The following ANKFN1 variants were observed in gnomAD, a reference collection of about 807,000 sequenced individuals.
The protein encoded by ANKFN1 is ankyrin repeat and fibronectin type III domain containing 1.
ANKFN1 carries 74 observed loss-of-function variants against 108.7 expected under a neutral mutation model. The observed-to-expected ratio is 0.68, with a 90% CI of 0.56 to 0.83. The LOEUF is 0.83. Ranked by LOEUF, ANKFN1 falls within the 40% of genes least tolerant of loss-of-function variation. The probability of loss-of-function intolerance (pLI) is 0.00; values close to 1 mark genes in which losing one functional copy is unlikely to be tolerated. For synonymous variants in ANKFN1, 547 were observed against 516.2 expected (o/e 1.06, Z -0.81); for missense variants, 1,505 against 1,382.3 (o/e 1.09, Z -1.41).
At chr17:56,498,749 CTA>C in intron 19 of ANKFN1, 131 bp from the exon 20 acceptor site, 2 of 718,728 alleles carry the variant, frequency 2.8e-6, no homozygotes, top group Non-Finnish European at 4.5e-6. Context: ...CTTAACAAAT[CTA>C]TGTTAAAAAT....
At chr17:56,477,814 G>A (rs977858018) in intron 16 of ANKFN1, among the ~76,000 whole-genome samples, 160 bp downstream of exon 16, 1 of 150,842 alleles carries the variant, frequency 6.6e-6, no homozygotes, top group Non-Finnish European at 1.5e-5. Context: ...TAGTTTTGGG[G>A]TTTTTTTTTG....
chr17:56,222,738 C>G (rs1425447040), intron 2 of ANKFN1, among the ~76,000 whole-genome samples: 1 of 152,168 alleles, frequency 6.6e-6, no homozygotes, highest in Admixed American at 6.5e-5. Flanking sequence ...GAAAAATACA[C>G]ATAGAGGACA....
chr17:56,171,587 A>G (rs927399174), intron 1 of ANKFN1, among the ~76,000 whole-genome samples: 6 of 152,140 alleles, frequency 3.9e-5, no homozygotes, highest in Non-Finnish European at 5.9e-5. Flanking sequence ...ACAGAAGGGG[A>G]AAAAAATCCA....
intron 8 of ANKFN1, among the ~76,000 whole-genome samples, chr17:56,386,656 T>G (rs2144850200): frequency 6.6e-6 from 1 of 151,276 alleles, no homozygotes; most frequent in East Asian, 1.9e-4. Context: ...TTTCTTTTTC[T>G]GGTCTCACTT....
intron 11 of ANKFN1, among the ~76,000 whole-genome samples, chr17:56,451,071 T>A (rs1254901611): frequency 6.6e-6 from 1 of 152,200 alleles, no homozygotes; most frequent in African/African-American, 2.4e-5. Flanking sequence ...TAAACAGTGC[T>A]CAAAGTATGT....
intron 3 of ANKFN1, among the ~76,000 whole-genome samples, chr17:56,309,564 T>C (rs983072733): frequency 1.5e-4 from 23 of 152,162 alleles, no homozygotes; most frequent in Non-Finnish European, 2.9e-4. Context: ...TTTTGATTCA[T>C]AGATTGGAAG....
chr17:56,343,920 C>A (rs1460818587), intron 4 of ANKFN1, among the ~76,000 whole-genome samples: 2 of 151,940 alleles, frequency 1.3e-5, no homozygotes, highest in African/African-American at 4.8e-5. Flanking sequence ...TGATTTTCTT[C>A]ATAATTTCTA....
At chr17:56,491,089 G>A (rs1040277416) in intron 18 of ANKFN1, among the ~76,000 whole-genome samples, 3 of 152,090 alleles carry the variant, frequency 2.0e-5, no homozygotes, top group African/African-American at 7.2e-5. Flanking sequence ...TTCCCTAAAT[G>A]GCCAGATCTG....
At chr17:56,217,955 A>G (rs1915548134) in intron 2 of ANKFN1, among the ~76,000 whole-genome samples, 1 of 152,128 alleles carries the variant, frequency 6.6e-6, no homozygotes, top group African/African-American at 2.4e-5. Flanking sequence ...TGGCTCCACA[A>G]ATTCAACGTG....
At chr17:56,487,771 T>G (rs1034490967) in intron 18 of ANKFN1, among the ~76,000 whole-genome samples, 1 of 152,194 alleles carries the variant, frequency 6.6e-6, no homozygotes, top group Non-Finnish European at 1.5e-5. Context: ...GAAAGACATC[T>G]AATTCTTCCT....
intron 3 of ANKFN1, among the ~76,000 whole-genome samples, chr17:56,302,350 C>T (rs1340778091): frequency 6.6e-6 from 1 of 151,926 alleles, no homozygotes; most frequent in African/African-American, 2.4e-5. Flanking sequence ...CATAGCACGA[C>T]CTCATCTCTA....
At chr17:56,362,752 G>A (rs576745955) in intron 6 of ANKFN1, among the ~76,000 whole-genome samples, 1 of 152,272 alleles carries the variant, frequency 6.6e-6, no homozygotes, top group East Asian at 1.9e-4. Flanking sequence ...AGGCAAATGG[G>A]AGTAAAACAA....
At chr17:56,400,926 A>G (rs529491828) in intron 8 of ANKFN1, among the ~76,000 whole-genome samples, 22 of 152,092 alleles carry the variant, frequency 1.4e-4, no homozygotes, top group Non-Finnish European at 2.8e-4. Context: ...TGGGTTCTCT[A>G]TTCTGTTCCA....
chr17:56,365,919 C>G (rs559620063), intron 6 of ANKFN1, among the ~76,000 whole-genome samples: 17 of 152,294 alleles, frequency 1.1e-4, no homozygotes, highest in Non-Finnish European at 2.2e-4. Context: ...AGACTGCACT[C>G]CTTCTAATTA....
intron 3 of ANKFN1, among the ~76,000 whole-genome samples, chr17:56,260,437 T>C (rs989458414): frequency 6.6e-6 from 1 of 152,068 alleles, no homozygotes; most frequent in African/African-American, 2.4e-5. Flanking sequence ...GGGGTGCTGA[T>C]TCACTTTGCA....
chr17:56,374,879 C>T (rs554649168), intron 8 of ANKFN1, among the ~76,000 whole-genome samples, 165 bp downstream of exon 8: 1 of 152,136 alleles, frequency 6.6e-6, no homozygotes, highest in East Asian at 1.9e-4. Context: ...TGTAAAGGAA[C>T]AATCAAGTGA....
intron 4 of ANKFN1, among the ~76,000 whole-genome samples, chr17:56,055,399 T>C (rs1018092350): frequency 2.0e-5 from 3 of 150,930 alleles, no homozygotes; most frequent in Admixed American, 6.6e-5. Flanking sequence ...GCAAAGGACA[T>C]GATTTCATTC....
intron 1 of ANKFN1, among the ~76,000 whole-genome samples, chr17:56,159,015 T>A (rs1909371535): frequency 8.6e-6 from 1 of 116,038 alleles, no homozygotes; most frequent in South Asian, 2.7e-4. Flanking sequence ...TTTACCACCA[T>A]CTAGGAATGG....
chr17:56,408,472 G>A (rs2047988493), intron 8 of ANKFN1, among the ~76,000 whole-genome samples: 1 of 151,988 alleles, frequency 6.6e-6, no homozygotes, highest in Non-Finnish European at 1.5e-5. Flanking sequence ...TGTGAAAATG[G>A]TGGACGCTCT....
Sources: gnomAD v4.1 joint callset for allele counts (sites outside exome capture counted in the v4.1 genomes callset) on GRCh38, gnomAD v4.1.1 for gene constraint, MANE v1.5 for transcripts, NCBI Gene and HGNC (gene_info 2026-07-23, HGNC 2026-07-21) for gene names.